The following ERC2 variants were observed in gnomAD, a reference collection of about 807,000 sequenced individuals.
ERC2 encodes ERC protein 2.
ERC2 carries 42 observed loss-of-function variants against 114.8 expected under a neutral mutation model. The ratio of observed to expected loss-of-function variants is 0.37; its 90% CI spans 0.29 to 0.47. The LOEUF (loss-of-function observed/expected upper bound fraction) is 0.47. ERC2 is among the 20% of genes least tolerant of loss of function. ERC2 has a pLI of 0.99. For synonymous variants in ERC2, 454 were observed against 425.5 expected, an observed-to-expected ratio of 1.07 and a Z score of -0.82; for missense variants, 939 against 1,150.7, an observed-to-expected ratio of 0.82 and a Z score of 2.66.
At chr3:55,745,385 C>A (rs1366520980) in intron 14 of ERC2, among the ~76,000 whole-genome samples, 1 of 152,104 alleles carries the variant, frequency 6.6e-6, no homozygotes, top group African/African-American at 2.4e-5. Flanking sequence ...CAAAATCAAA[C>A]AAATTCAAAA....
At chr3:55,898,327 G>A (rs1474876204) in intron 13 of ERC2, among the ~76,000 whole-genome samples, 2 of 152,106 alleles carry the variant, frequency 1.3e-5, no homozygotes, top group African/African-American at 4.8e-5. Flanking sequence ...TATTACACGT[G>A]TGTCACAGTT....
chr3:56,327,059 C>A (rs1199856831), intron 2 of ERC2, among the ~76,000 whole-genome samples: 1 of 152,222 alleles, frequency 6.6e-6, no homozygotes. Flanking sequence ...CCCAGCTCCA[C>A]CTGCTGACCA....
intron 3 of ERC2, among the ~76,000 whole-genome samples, chr3:56,293,699 T>C (rs530877831): frequency 5.3e-4 from 80 of 152,306 alleles, no homozygotes; most frequent in Non-Finnish European, 7.4e-5. Context: ...GGGAAACTAG[T>C]TGAATGTATT....
At chr3:56,338,771 C>A (rs549573725) in intron 2 of ERC2, among the ~76,000 whole-genome samples, 1 of 152,342 alleles carries the variant, frequency 6.6e-6, no homozygotes, top group African/African-American at 2.4e-5. Context: ...TCCTTAAAAT[C>A]CACACTGGGA....
At chr3:55,679,556 G>A (rs1415794677) in intron 17 of ERC2, among the ~76,000 whole-genome samples, 1 of 152,168 alleles carries the variant, frequency 6.6e-6, no homozygotes, top group Non-Finnish European at 1.5e-5. Context: ...ATTCGTCACT[G>A]GTTTCCTAGC....
intron 17 of ERC2, among the ~76,000 whole-genome samples, chr3:55,666,610 T>C (rs2061365343): frequency 1.3e-5 from 2 of 152,144 alleles, no homozygotes; most frequent in South Asian, 4.1e-4. Flanking sequence ...ATCTCTGGAA[T>C]CATTTTTGGT....
chr3:55,793,984 G>T (rs1273808465), intron 14 of ERC2, among the ~76,000 whole-genome samples: 1 of 152,144 alleles, frequency 6.6e-6, no homozygotes, highest in Non-Finnish European at 1.5e-5. Context: ...TTTCTTTCTG[G>T]ACCTTTAAAA....
At chr3:56,293,074 A>C (rs2055196532) in intron 3 of ERC2, among the ~76,000 whole-genome samples, 2 of 152,230 alleles carry the variant, frequency 1.3e-5, no homozygotes, top group Admixed American at 1.3e-4. Flanking sequence ...CATCCAACGA[A>C]GGAATGAATG....
chr3:55,661,216 T>C (rs140718816), intron 17 of ERC2, among the ~76,000 whole-genome samples: 1 of 152,354 alleles, frequency 6.6e-6, no homozygotes, highest in Non-Finnish European at 1.5e-5. Context: ...GTTCATTCTC[T>C]GCTGAGTTTC....
At chr3:56,061,313 G>A (rs2076234449) in intron 7 of ERC2, among the ~76,000 whole-genome samples, 1 of 152,160 alleles carries the variant, frequency 6.6e-6, no homozygotes, top group Admixed American at 6.5e-5. Context: ...CACAGGGATG[G>A]TGTCTCAGGC....
chr3:55,713,218 A>AT (rs924873803), intron 15 of ERC2, among the ~76,000 whole-genome samples: 7 of 150,576 alleles, frequency 4.6e-5, no homozygotes, highest in African/African-American at 4.9e-5. Context: ...TTAAAAAAAA[A>AT]TTTTTTTTTG....
intron 3 of ERC2, among the ~76,000 whole-genome samples, chr3:56,286,769 T>TA (rs11457394): frequency 0.064 from 9,397 of 146,436 alleles, 696 homozygotes; most frequent in African/African-American, 0.18. Context: ...CCAGGCCATT[T>TA]AAAAAAAAAA....
rs185513817 is a variant in ERC2 at position 56,198,889 on chromosome 3, G to A, written c.1075-25369C>T. On this transcript the variant is annotated intron_variant, in intron 3 of 17. Transcript: ENST00000288221. ...CACAACAACTCCCAACCTTGGGGCCGCCAGCCCACTGTACCACAGAAGTGG... is the reference window on the plus strand; with the variant it reads ...CACAACAACTCCCAACCTTGGGGCCACCAGCCCACTGTACCACAGAAGTGG... Among the ~76,000 whole-genome samples, 11 of 152,246 alleles carry A rather than the reference G, an allele frequency of 7.2e-5. No individual in the cohort carries two copies. In the East Asian group the frequency reaches 2.1e-3, roughly 29 times the overall value.
intron 7 of ERC2, among the ~76,000 whole-genome samples, chr3:56,054,078 AT>A (rs1286315447): frequency 6.6e-6 from 1 of 152,198 alleles, no homozygotes; most frequent in Non-Finnish European, 1.5e-5. Flanking sequence ...GCTGGCAATT[AT>A]ATGGCAATTA....
intron 17 of ERC2, among the ~76,000 whole-genome samples, chr3:55,673,250 G>A (rs149848718): frequency 1.3e-5 from 2 of 152,292 alleles, no homozygotes; most frequent in African/African-American, 4.8e-5. Flanking sequence ...AAGAAAACAG[G>A]CTTGCCATGA....
intron 17 of ERC2, among the ~76,000 whole-genome samples, chr3:55,517,357 C>T (rs1019404518): frequency 6.8e-6 from 1 of 146,150 alleles, no homozygotes; most frequent in African/African-American, 2.5e-5. Context: ...AGGAGAATCG[C>T]TTGAACCAGG....
intron 14 of ERC2, among the ~76,000 whole-genome samples, chr3:55,857,663 G>T (rs1257178331): frequency 1.3e-5 from 2 of 152,180 alleles, no homozygotes; most frequent in Non-Finnish European, 2.9e-5. Context: ...TTGCTGTTCA[G>T]TAAAGGGTAA....
intron 3 of ERC2, among the ~76,000 whole-genome samples, chr3:56,191,364 C>A (rs2047768940): frequency 6.6e-6 from 1 of 152,134 alleles, no homozygotes; most frequent in Non-Finnish European, 1.5e-5. Flanking sequence ...CCTAGCTCCC[C>A]AGCATGCAGC....
chr3:56,033,149 T>C (rs1314974021), intron 7 of ERC2, among the ~76,000 whole-genome samples: 1 of 151,986 alleles, frequency 6.6e-6, no homozygotes, highest in African/African-American at 2.4e-5. Context: ...CCCAGCACTT[T>C]GGGAGGCCAA....
Sources: allele counts gnomAD v4.1 joint callset (sites outside exome capture counted in the v4.1 genomes callset), GRCh38; gene constraint gnomAD v4.1.1; transcripts MANE v1.5; gene names NCBI Gene and HGNC (gene_info 2026-07-23, HGNC 2026-07-21).